ZYG11A: variants seen among roughly 807,000 people sequenced by gnomAD.
The protein encoded by ZYG11A is zyg-11 family member A, cell cycle regulator, also known as protein zyg-11 homolog A.
ZYG11A carries 62 observed loss-of-function variants against 77.2 expected under a neutral mutation model. That is an observed-to-expected ratio of 0.80 (90% CI 0.65 to 0.99). The LOEUF (loss-of-function observed/expected upper bound fraction) is 0.99, where lower values mean the gene tolerates loss of function less well. Among genes scored for constraint, ZYG11A ranks in the 50% least tolerant of loss-of-function variants. The pLI is 0.00. For missense variants in ZYG11A, 828 were observed against 896.8 expected, an observed-to-expected ratio of 0.92 and a Z score of 0.98; for synonymous variants, 315 against 324.6, an observed-to-expected ratio of 0.97 and a Z score of 0.32.
Position 52,857,158 on chromosome 1 carries a change from C to T in ZYG11A, c.417C>T (p.Leu139=). ...ELNATAVHAD[L]PVPDIISGLC... is the part of the protein sequence containing the mutation. ...ATGCTACTGCAGTGCACGCTGACCT[C>T]CCAGTTCCAGACATCATAAGTGGAC... Residue 139 remains leucine, a synonymous_variant, in exon 3 of 14, where the codon CTC becomes CTT. Transcript: ENST00000371528. 5 of 1,551,972 alleles carry T rather than the reference C, an allele frequency of 3.2e-6. No homozygotes were observed. In the African/African-American group the frequency reaches 6.8e-5, roughly 21 times the overall value.
chr1:52,873,886 A>C (rs1385534252), intron 8 of ZYG11A, among the ~76,000 whole-genome samples: 3 of 152,048 alleles, frequency 2.0e-5, no homozygotes, highest in Admixed American at 6.6e-5. Context: ...CGGGAGGCTG[A>C]GGCAGGAGAA....
At chr1:52,877,570 CAGAACTTGGGTTT>C in intron 8 of ZYG11A, 99 bp from the exon 9 acceptor site, 1 of 785,366 alleles carries the variant, frequency 1.3e-6, no homozygotes, top group South Asian at 2.1e-5. Context: ...TACTAAGTGG[CAGAACTTGGGTTT>C]AGAACCGAGG....
intron 13 of ZYG11A, among the ~76,000 whole-genome samples, chr1:52,892,339 A>G (rs1213497592): frequency 1.3e-5 from 2 of 149,578 alleles, no homozygotes; most frequent in Admixed American, 6.7e-5. Context: ...CATCCTGGCT[A>G]ACACGGTGAA....
intron 1 of ZYG11A, among the ~76,000 whole-genome samples, chr1:52,847,752 C>G (rs1222067502): frequency 2.0e-5 from 3 of 150,974 alleles, no homozygotes; most frequent in African/African-American, 7.3e-5. Flanking sequence ...TCGCTGCAAC[C>G]TCTGCCTCCT....
chr1:52,856,870 C>T (rs2149994436), intron 2 of ZYG11A, 128 bp from the exon 3 acceptor site: 1 of 986,820 alleles, frequency 1.0e-6, no homozygotes, highest in African/African-American at 1.6e-5. Flanking sequence ...TAGAACAATG[C>T]TAGCACAGAG....
Position 52,881,544 on chromosome 1 carries a change from T to C in ZYG11A, c.1823T>C (p.Leu608Ser), listed in dbSNP as rs370602817. Reference protein sequence around the residue: ...TEDVLKHINSLLCSREMEVSY... With the variant: ...TEDVLKHINSSLCSREMEVSY... ...GATGTGCTGAAGCATATCAACAGTT[T>C]ACTCTGTAGCAGGGAAATGGAAGTC... is the stretch of plus-strand genomic sequence containing the variant. The change falls in exon 11 of 14, where the codon TTA becomes TCA. Residue 608 changes from leucine (L) to serine (S), a missense_variant. Leu to Ser is a moderately radical substitution (Grantham distance 145, BLOSUM62 -2). Transcript: ENST00000371528. 2.6e-4 allele frequency: 407 copies of C among 1,552,066 alleles called. 5 individuals carry two copies. In the South Asian group the frequency reaches 3.5e-3, roughly 13 times the overall value.
rs751966258 is a variant in ZYG11A, at chr1:52,892,872, A to T, written c.2195A>T (p.Gln732Leu). 2.4e-5 allele frequency: 38 copies of T among 1,551,652 alleles called. No individual in the cohort carries two copies. The highest frequency in any genetic ancestry group is 3.1e-5 in the Non-Finnish European group (36 of 1,147,010). The change falls in exon 14 of 14, where the codon CAG (glutamine) becomes CTG (leucine). Residue 732 changes from glutamine (Q) to leucine (L), a missense_variant. Gln to Leu is a moderately radical substitution (Grantham distance 113, BLOSUM62 -2). Transcript: ENST00000371528. ...QEHSEATPKA[Q>L]QIAASILDDF... ...CACAGTGAGGCAACCCCCAAAGCACAGCAGATTGCAGCCTCCATTCTGGAT... is the reference window on the plus strand; with the variant it reads ...CACAGTGAGGCAACCCCCAAAGCACTGCAGATTGCAGCCTCCATTCTGGAT...
At chr1:52,884,465 C>T (rs1393670931) in intron 11 of ZYG11A, among the ~76,000 whole-genome samples, 2 of 146,802 alleles carry the variant, frequency 1.4e-5, no homozygotes, top group East Asian at 4.0e-4. Flanking sequence ...CACTGCACTC[C>T]AGCCTGGGCA....
intron 10 of ZYG11A, among the ~76,000 whole-genome samples, chr1:52,879,370 G>C (rs1012511789): frequency 3.3e-5 from 5 of 152,118 alleles, no homozygotes; most frequent in African/African-American, 1.2e-4. Flanking sequence ...TGGGACCCTT[G>C]GTTCTAGGTC....
chr1:52,882,242 C>T (rs543009989), intron 11 of ZYG11A, among the ~76,000 whole-genome samples: 1 of 152,298 alleles, frequency 6.6e-6, no homozygotes, highest in Non-Finnish European at 1.5e-5. Flanking sequence ...TTGACTTTAT[C>T]GCTTTAGGAA....
chr1:52,851,101 A>G (rs908770110), intron 1 of ZYG11A, among the ~76,000 whole-genome samples: 8 of 151,956 alleles, frequency 5.3e-5, no homozygotes, highest in Non-Finnish European at 7.4e-5. Context: ...GAGGGGCGCA[A>G]TCACGGCTCA....
intron 1 of ZYG11A, among the ~76,000 whole-genome samples, chr1:52,846,344 ATATATATATATATATATATATAT>A (rs1645582396): frequency 1.0e-5 from 1 of 100,288 alleles, no homozygotes; most frequent in African/African-American, 5.5e-5. Context: ...ATATATATAT[ATATATATATATATATATATATAT>A]TTTGAAACAG....
chr1:52,844,028 T>C (rs1383307483), intron 1 of ZYG11A, among the ~76,000 whole-genome samples: 1 of 152,144 alleles, frequency 6.6e-6, no homozygotes, highest in Non-Finnish European at 1.5e-5. Flanking sequence ...CCTAGTCTTT[T>C]GTAGGCTTTG....
chr1:52,880,654 G>T (rs1218832361), intron 10 of ZYG11A, among the ~76,000 whole-genome samples: 1 of 152,206 alleles, frequency 6.6e-6, no homozygotes, highest in Non-Finnish European at 1.5e-5. Context: ...CAGTCATGAA[G>T]TAAGTGGTTG....
At chr1:52,868,742 G>A (rs946588637) in intron 8 of ZYG11A, among the ~76,000 whole-genome samples, 10 of 152,124 alleles carry the variant, frequency 6.6e-5, no homozygotes, top group Non-Finnish European at 1.3e-4. Context: ...AGCTAAGATC[G>A]CACAGGTGCA....
chr1:52,857,182 A>G lies in ZYG11A; in HGVS notation c.441A>G (p.Gly147=). The change falls in exon 3 of 14, where the codon GGA becomes GGG. Residue 147 remains glycine, a synonymous_variant. Transcript: ENST00000371528. ...ADLPVPDIIS[G]LCSNRWIQQN... The stretch of plus-strand genomic sequence containing the variant: ...TCCCAGTTCCAGACATCATAAGTGG[A>G]CTCTGCAGCAATAGGTGGATCCAGC... 1 of 1,552,014 alleles carries G rather than the reference A, an allele frequency of 6.4e-7. No individual in the cohort carries two copies. The highest frequency in any genetic ancestry group is 8.7e-7 in the Non-Finnish European group (1 of 1,147,072).
chr1:52,877,952 A>G lies in ZYG11A; in HGVS notation c.1732A>G (p.Lys578Glu), dbSNP rs754743701. Residue 578 changes from lysine (K) to glutamate (E), a missense_variant, in exon 10 of 14, where the codon AAA (lysine) becomes GAA (glutamate). Lys to Glu is a moderately conservative substitution (Grantham distance 56). Transcript: ENST00000371528. ...ETFSESAIQS[K>E]VLGLLNNIAE... ...CTTTTCAGAGTCAGCAATACAAAGC[A>G]AAGTACTTGGTCTTTTGGTAAGGTG... 13 of 1,551,550 alleles carry G rather than the reference A, an allele frequency of 8.4e-6. No homozygotes were observed. The South Asian group carries it at 1.5e-4, about 18-fold the overall frequency.
chr1:52,890,360 G>A (rs1382325962), intron 13 of ZYG11A, among the ~76,000 whole-genome samples: 2 of 139,924 alleles, frequency 1.4e-5, no homozygotes, highest in Non-Finnish European at 3.0e-5. Flanking sequence ...TCAGCCTCCT[G>A]GGTAGCTGGG....
At chr1:52,862,710 A>G (rs902095259) in intron 4 of ZYG11A, among the ~76,000 whole-genome samples, 1 of 152,190 alleles carries the variant, frequency 6.6e-6, no homozygotes, top group Non-Finnish European at 1.5e-5. Flanking sequence ...AATAAAATAA[A>G]TTAAAAATTC....
Sources: allele counts gnomAD v4.1 joint callset (sites outside exome capture counted in the v4.1 genomes callset), GRCh38; gene constraint gnomAD v4.1.1; transcripts MANE v1.5; gene names NCBI Gene and HGNC (gene_info 2026-07-23, HGNC 2026-07-21).